The following ANTXR2 variants were observed in gnomAD, a reference collection of about 807,000 sequenced individuals.
ANTXR2 encodes the protein ANTXR cell adhesion molecule 2, also known as anthrax toxin receptor 2.
A neutral mutation model predicts 73.7 loss-of-function variants in ANTXR2; 44 were observed. The ratio of observed to expected loss-of-function variants is 0.60; its 90% CI spans 0.47 to 0.77. ANTXR2 has a LOEUF of 0.77. ANTXR2 is among the 30% of genes least tolerant of loss of function. ANTXR2 has a pLI of 0.00. For missense variants in ANTXR2, 604 were observed against 592.5 expected (o/e 1.02, Z -0.20); for synonymous variants, 217 against 205.9 (o/e 1.05, Z -0.46).
At chr4:80,045,148 AC>A (rs141949326) in intron 7 of ANTXR2, among the ~76,000 whole-genome samples, 1,622 of 151,846 alleles carry the variant, frequency 0.011, 29 homozygotes, top group African/African-American at 0.037. Context: ...AACAAAAACA[AC>A]ATGAAGAGAA....
At chr4:79,920,959 C>T (rs1282266838) in intron 16 of ANTXR2, among the ~76,000 whole-genome samples, 2 of 151,964 alleles carry the variant, frequency 1.3e-5, no homozygotes, top group Non-Finnish European at 2.9e-5. Flanking sequence ...TAATTGCAAA[C>T]AAAATCTATA....
chr4:79,984,648 C>A (rs1172715656), intron 13 of ANTXR2, among the ~76,000 whole-genome samples, 171 bp downstream of exon 13: 1 of 151,700 alleles, frequency 6.6e-6, no homozygotes, highest in Non-Finnish European at 1.5e-5. Flanking sequence ...ATTCCTCTAG[C>A]ACATGAAATA....
intron 1 of ANTXR2, 36 bp from the exon 2 acceptor site, chr4:80,071,690 AC>A: frequency 6.6e-7 from 1 of 1,513,760 alleles, no homozygotes; most frequent in East Asian, 2.3e-5. Context: ...GAGAAACAAA[AC>A]ACGGAACTGA....
intron 12 of ANTXR2, among the ~76,000 whole-genome samples, chr4:80,007,721 G>A (rs1003846312): frequency 1.3e-5 from 2 of 152,114 alleles, no homozygotes; most frequent in African/African-American, 2.4e-5. Context: ...TAGAGAAAGG[G>A]GGGTATGAGG....
intron 7 of ANTXR2, among the ~76,000 whole-genome samples, chr4:80,036,467 A>G (rs1205173109): frequency 6.6e-6 from 1 of 152,118 alleles, no homozygotes. Context: ...ATAAAAAAGC[A>G]CTGCTGACTG....
Position 80,050,536 on chromosome 4 carries a change from G to A in ANTXR2, c.636+3736C>T, listed in dbSNP as rs1272260859. 2.6e-5 allele frequency among the ~76,000 whole-genome samples: 4 copies of A among 151,574 alleles called. No homozygotes were observed. In the East Asian group the frequency reaches 5.9e-4, roughly 22 times the overall value. ...TTTAAAGCCAAGCCCTTCTAACTTA[G>A]GTCATTCTCAATTGTTATCTCATTT... On this transcript the variant is annotated intron_variant, in intron 7 of 16. Coordinates refer to ENST00000403729, the MANE Select transcript of ANTXR2 (RefSeq NM_058172.6).
chr4:79,979,182 A>G (rs1369324139), intron 14 of ANTXR2, among the ~76,000 whole-genome samples: 1 of 152,208 alleles, frequency 6.6e-6, no homozygotes, highest in Admixed American at 6.5e-5. Context: ...GTATTTTTCA[A>G]TAGACAGAAA....
intron 16 of ANTXR2, among the ~76,000 whole-genome samples, chr4:79,935,103 C>A (rs1291847612): frequency 1.3e-5 from 2 of 150,474 alleles, no homozygotes; most frequent in African/African-American, 4.9e-5. Context: ...AAAAAAAAAA[C>A]AACTGAATAA....
chr4:80,010,954 T>C (rs758100215), intron 11 of ANTXR2, among the ~76,000 whole-genome samples: 4 of 152,014 alleles, frequency 2.6e-5, no homozygotes, highest in Non-Finnish European at 5.9e-5. Context: ...GAGACCATCC[T>C]GGCTAACATG....
intron 3 of ANTXR2, among the ~76,000 whole-genome samples, chr4:80,061,284 C>CTGTGTG (rs60730236): frequency 0.37 from 55,872 of 148,994 alleles, 11,407 homozygotes; most frequent in Non-Finnish European, 0.47. Flanking sequence ...GTGTGTGCCT[C>CTGTGTG]TGTGTGTGTG....
intron 3 of ANTXR2, among the ~76,000 whole-genome samples, chr4:80,057,105 T>C (rs897718540): frequency 6.6e-6 from 1 of 151,898 alleles, no homozygotes; most frequent in African/African-American, 2.4e-5. Flanking sequence ...TGAGAAGTGA[T>C]AAGAAGTGCC....
intron 16 of ANTXR2, among the ~76,000 whole-genome samples, chr4:79,973,030 A>G (rs1467992963): frequency 6.6e-6 from 1 of 152,190 alleles, no homozygotes; most frequent in African/African-American, 2.4e-5. Flanking sequence ...GAAATTGTCA[A>G]AACAAAGTGA....
At chr4:80,005,973 C>A (rs1435882288) in intron 12 of ANTXR2, among the ~76,000 whole-genome samples, 3 of 152,140 alleles carry the variant, frequency 2.0e-5, no homozygotes, top group Non-Finnish European at 4.4e-5. Flanking sequence ...CACAGTAGGT[C>A]TCAGCCTAGC....
chr4:80,071,089 G>A lies in ANTXR2; in HGVS notation c.224+494C>T, dbSNP rs536798051. 1.0e-3 allele frequency among the ~76,000 whole-genome samples: 159 copies of A among 152,264 alleles called. 1 individual carries two copies. The highest frequency in any genetic ancestry group is 5.5e-3 in the Admixed American group (84 of 15,290). On this transcript the variant is annotated intron_variant, in intron 2 of 16. Coordinates refer to ENST00000403729, the MANE Select transcript of ANTXR2 (RefSeq NM_058172.6). ...TAAACCAACCACACACCCACACATT[G>A]TGTAAACACAAGTCGTTGCTTTAAA...
intron 16 of ANTXR2, among the ~76,000 whole-genome samples, chr4:79,966,928 G>C (rs562225547): frequency 1.2e-4 from 3 of 24,316 alleles, no homozygotes; most frequent in African/African-American, 1.8e-4. Flanking sequence ...CAAGATGGCC[G>C]AATAGGAACA....
At chr4:79,958,932 A>T (rs1021659737) in intron 16 of ANTXR2, among the ~76,000 whole-genome samples, 2 of 152,156 alleles carry the variant, frequency 1.3e-5, no homozygotes, top group Non-Finnish European at 2.9e-5. Flanking sequence ...AAGATTAATT[A>T]ACATTAAAAT....
chr4:80,034,354 A>G (rs1274872087), intron 8 of ANTXR2, among the ~76,000 whole-genome samples: 1 of 152,164 alleles, frequency 6.6e-6, no homozygotes, highest in Non-Finnish European at 1.5e-5. Context: ...GCTTATTTAA[A>G]AGGTAAATTG....
At position 79,905,782 on chromosome 4, in the gene ANTXR2, T is replaced by G. The variant is rs1366970914; in HGVS notation, c.*1647A>C. The G allele has an allele frequency of 6.6e-6, 1 of 152,580 alleles. No individual in the cohort carries two copies. Among genetic ancestry groups the G allele is most frequent in the Non-Finnish European group, 1.5e-5 (1 of 68,038 alleles). 9.5% of individuals were successfully genotyped at this position (152,580 alleles called of 1,614,324 possible). On this transcript the variant is annotated 3_prime_UTR_variant, in exon 17 of 17. Coordinates refer to ENST00000403729, the MANE Select transcript of ANTXR2 (RefSeq NM_058172.6). ...TACTCCCGTCCTTTGAAATTTCCAT[T>G]AAGAGCACAATGGGGGTAATTATAC... is the stretch of plus-strand genomic sequence containing the variant.
intron 11 of ANTXR2, among the ~76,000 whole-genome samples, chr4:80,017,447 A>AT (rs1405980486): frequency 2.6e-5 from 4 of 151,990 alleles, no homozygotes; most frequent in East Asian, 3.9e-4. Context: ...ATCAATGATC[A>AT]TTTTTCTGAA....
Sources: allele counts gnomAD v4.1 joint callset (sites outside exome capture counted in the v4.1 genomes callset), GRCh38; gene constraint gnomAD v4.1.1; transcripts MANE v1.5; gene names NCBI Gene and HGNC (gene_info 2026-07-23, HGNC 2026-07-21).